The following NDUFA8 variants were observed in gnomAD, a reference collection of about 807,000 sequenced individuals.
NDUFA8 encodes NADH dehydrogenase [ubiquinone] 1 alpha subcomplex subunit 8.
In NDUFA8, 16 loss-of-function variants were observed where a neutral mutation model predicts 20.9. The ratio of observed to expected loss-of-function variants is 0.77; its 90% CI spans 0.52 to 1.16. The LOEUF is 1.16. Among genes scored for constraint, NDUFA8 ranks in the 50% most tolerant of loss-of-function variants. The probability of loss-of-function intolerance (pLI) is 0.00; values close to 1 mark genes in which losing one functional copy is unlikely to be tolerated. For missense variants in NDUFA8, 202 were observed against 216.4 expected, an observed-to-expected ratio of 0.93 and a Z score of 0.42; for synonymous variants, 70 against 76.1, an observed-to-expected ratio of 0.92 and a Z score of 0.41.
intron 3 of NDUFA8, among the ~76,000 whole-genome samples, chr9:122,145,142 G>T (rs1828888485): frequency 6.6e-6 from 1 of 152,184 alleles, no homozygotes; most frequent in Admixed American, 6.5e-5. Flanking sequence ...GATGATAAAG[G>T]GTATTAAATG....
chr9:122,159,490 G>A, intron 1 of NDUFA8, 137 bp downstream of exon 1: 3 of 1,029,550 alleles, frequency 2.9e-6, no homozygotes, highest in South Asian at 1.3e-5. Context: ...GACCTCCGGG[G>A]GTCGACCTGT....
Position 122,147,288 on chromosome 9 carries a change from T to C in NDUFA8, c.381+824A>G, listed in dbSNP as rs111826152. Among the ~76,000 whole-genome samples the C allele has an allele frequency of 9.6e-4, 146 of 152,252 alleles. 2 individuals carry two copies. Among genetic ancestry groups the C allele is most frequent in the African/African-American group, 3.4e-3 (141 of 41,544 alleles). On this transcript the variant is annotated intron_variant, in intron 3 of 3. Coordinates refer to ENST00000373768, the MANE Select transcript of NDUFA8 (RefSeq NM_014222.3). ...ATGCTAATCTAAAGGAAGTGATGACTGCATGGAATCAGTAGGGAATGAAGA... is the reference window on the plus strand; with the variant it reads ...ATGCTAATCTAAAGGAAGTGATGACCGCATGGAATCAGTAGGGAATGAAGA...
At chr9:122,153,165 G>A (rs143988950) in intron 1 of NDUFA8, among the ~76,000 whole-genome samples, 1 of 151,790 alleles carries the variant, frequency 6.6e-6, no homozygotes, top group African/African-American at 2.4e-5. Context: ...TACTAGGGAG[G>A]TTGAGGCATG....
At chr9:122,147,616 A>AT (rs1564408372) in intron 3 of NDUFA8, among the ~76,000 whole-genome samples, 6 of 106,008 alleles carry the variant, frequency 5.7e-5, no homozygotes, top group African/African-American at 2.6e-4. Flanking sequence ...GGCCTAAAGA[A>AT]ATTTTTTTTT....
At chr9:122,147,847 C>T (rs1318681362) in intron 3 of NDUFA8, among the ~76,000 whole-genome samples, 1 of 152,062 alleles carries the variant, frequency 6.6e-6, no homozygotes, top group East Asian at 1.9e-4. Flanking sequence ...AGGATGGTCT[C>T]GATCTCCTGA....
In NDUFA8 at chr9:122,152,314, T is replaced by C; in HGVS notation, c.146A>G (p.Glu49Gly). 1 of 1,614,138 alleles carries C rather than the reference T, an allele frequency of 6.2e-7. No homozygotes were observed. The highest frequency in any genetic ancestry group is 8.5e-7 in the Non-Finnish European group (1 of 1,180,026). The change falls in exon 2 of 4, where the codon GAA becomes GGA. Residue 49 changes from glutamate to glycine, a missense_variant. By Grantham distance (98) the Glu-to-Gly change is moderately conservative. Transcript: ENST00000373768. The stretch of plus-strand genomic sequence containing the variant: ...TAAACACCGCCTCGGATCTTTCTCT[T>C]CCCAGCGGCAGAGCATAAACTCCTT... ...PNKEFMLCRWEEKDPRRCLEE... is the reference protein window; with the variant it reads ...PNKEFMLCRWGEKDPRRCLEE...
downstream of NDUFA8, among the ~76,000 whole-genome samples, chr9:122,140,940 C>G (rs1448687790): frequency 6.6e-6 from 1 of 152,130 alleles, no homozygotes; most frequent in Non-Finnish European, 1.5e-5. Context: ...GCCCTCATGC[C>G]CAACCATCAT....
intron 1 of NDUFA8, among the ~76,000 whole-genome samples, chr9:122,157,225 C>T (rs1346552681): frequency 6.6e-6 from 1 of 152,230 alleles, no homozygotes; most frequent in Non-Finnish European, 1.5e-5. Flanking sequence ...GGGGTCTTCT[C>T]TTCATCTCCG....
chr9:122,132,675 A>T, the NDUFA8 span, among the ~76,000 whole-genome samples: 1 of 152,116 alleles, frequency 6.6e-6, no homozygotes, highest in African/African-American at 2.4e-5. Context: ...AGATTAGAGG[A>T]TAAGCCAGAT....
chr9:122,133,914 C>T, the NDUFA8 span, among the ~76,000 whole-genome samples: 2 of 152,228 alleles, frequency 1.3e-5, 1 homozygote, highest in South Asian at 4.1e-4. Flanking sequence ...CCCCATCCCT[C>T]CCCACCTCCT....
intron 1 of NDUFA8, among the ~76,000 whole-genome samples, chr9:122,158,721 T>A (rs1191272954): frequency 6.7e-6 from 1 of 150,250 alleles, no homozygotes; most frequent in African/African-American, 2.4e-5. Context: ...TATATACATA[T>A]ATATATATAC....
the NDUFA8 span, chr9:122,132,848 A>T: frequency 2.2e-6 from 1 of 444,960 alleles, no homozygotes; most frequent in Non-Finnish European, 4.6e-6. Context: ...GGCTTCACGC[A>T]TGCTCTTGGA....
Position 122,159,536 on chromosome 9 carries a change from C to T in NDUFA8, c.51+91G>A, listed in dbSNP as rs1290756071. The T allele has an allele frequency of 3.3e-6, 5 of 1,515,758 alleles. No homozygotes were observed. The African/African-American group carries it at 5.5e-5, about 17-fold the overall frequency. The allele number at this position is 1,515,758 out of a possible 1,614,324, so 93.9% of individuals were successfully genotyped here. A position where few individuals can be genotyped will look rare whatever the true frequency, so the allele number is the denominator to read the frequency against. ...GAGGACTGGGGAGGGGGGCCCGGGT[C>T]CCAGGATCCGCGGAGCCCAAGGGGG... On this transcript the variant is annotated intron_variant, in intron 1 of 3. Coordinates refer to ENST00000373768, the MANE Select transcript of NDUFA8 (RefSeq NM_014222.3).
At chr9:122,151,978 A>T (rs1829006629) in intron 2 of NDUFA8, among the ~76,000 whole-genome samples, 1 of 152,240 alleles carries the variant, frequency 6.6e-6, no homozygotes, top group Non-Finnish European at 1.5e-5. Context: ...CCCTTGCTGT[A>T]GCAAAAATGG....
In NDUFA8 at chr9:122,159,706, A is replaced by T. The variant is rs1464432969; in HGVS notation, c.-29T>A. On this transcript the variant is annotated 5_prime_UTR_variant, in exon 1 of 4. Transcript: ENST00000373768. ...GGCTGCAGCCCCGACCCCGACGAGA[A>T]GCCCTCAGCCGCGTCGCCCCCGTCT... 13 of 1,614,000 alleles carry T rather than the reference A, an allele frequency of 8.1e-6. No homozygotes were observed. Among genetic ancestry groups the T allele is most frequent in the Non-Finnish European group, 1.1e-5 (13 of 1,179,950 alleles).
At chr9:122,140,947 T>A (rs1828810072), downstream of NDUFA8, among the ~76,000 whole-genome samples, 1 of 152,012 alleles carries the variant, frequency 6.6e-6, no homozygotes, top group Non-Finnish European at 1.5e-5. Flanking sequence ...TGCCCAACCA[T>A]CATACTACAT....
rs1319414797 is a variant in NDUFA8, at chr9:122,148,200, C to T, written c.293G>A (p.Arg98His). Residue 98 changes from arginine to histidine, a missense_variant, in exon 3 of 4, where the codon CGT becomes CAT. Transcript: ENST00000373768. The part of the protein sequence containing the change: ...CIDYTGQQLF[R>H]HCRKQQAKFD... Reference sequence around the variant, plus strand: ...CTTTGCCTGCTGTTTGCGACAGTGACGAAATAACTGCTGGCCAGTATAATC... The same window carrying T: ...CTTTGCCTGCTGTTTGCGACAGTGATGAAATAACTGCTGGCCAGTATAATC... 1.1e-5 allele frequency: 17 copies of T among 1,614,082 alleles called. No individual in the cohort carries two copies. Among genetic ancestry groups the T allele is most frequent in the East Asian group, 8.9e-5 (4 of 44,874 alleles).
chr9:122,155,244 T>C (rs1427647329), intron 1 of NDUFA8, among the ~76,000 whole-genome samples: 2 of 152,198 alleles, frequency 1.3e-5, no homozygotes, highest in African/African-American at 2.4e-5. Context: ...CACACCCGGC[T>C]AATTTTGTAT....
At chr9:122,149,275 T>C (rs1340356711) in intron 2 of NDUFA8, among the ~76,000 whole-genome samples, 2 of 152,166 alleles carry the variant, frequency 1.3e-5, no homozygotes, top group Admixed American at 6.5e-5. Context: ...AATAAGCCAC[T>C]CAGTTGCTCT....
Sources: gnomAD v4.1 joint callset for allele counts (sites outside exome capture counted in the v4.1 genomes callset) on GRCh38, gnomAD v4.1.1 for gene constraint, MANE v1.5 for transcripts, NCBI Gene and HGNC (gene_info 2026-07-23, HGNC 2026-07-21) for gene names.